The following VAV3 variants were observed in gnomAD, a reference collection of about 807,000 sequenced individuals.
VAV3 encodes the protein vav guanine nucleotide exchange factor 3.
VAV3 carries 94 observed loss-of-function variants against 131.2 expected under a neutral mutation model. The ratio of observed to expected loss-of-function variants is 0.72; its 90% CI spans 0.61 to 0.85. The LOEUF is 0.85. VAV3 is among the 40% of genes least tolerant of loss of function. VAV3 has a pLI of 0.00. For synonymous variants in VAV3, 349 were observed against 342.0 expected (o/e 1.02, Z -0.22); for missense variants, 939 against 1,002.7 (o/e 0.94, Z 0.86).
At chr1:107,915,682 G>A (rs1672581266) in intron 1 of VAV3, among the ~76,000 whole-genome samples, 1 of 152,124 alleles carries the variant, frequency 6.6e-6, no homozygotes, top group South Asian at 2.1e-4. Flanking sequence ...TGTGGACAGG[G>A]GCTGTGTTTT....
intron 15 of VAV3, among the ~76,000 whole-genome samples, chr1:107,736,531 T>A (rs7549704): frequency 6.6e-6 from 1 of 152,066 alleles, no homozygotes; most frequent in African/African-American, 2.4e-5. Flanking sequence ...AAAATCAATG[T>A]GCAAAAATCA....
At chr1:107,893,834 T>A (rs957886095) in intron 1 of VAV3, among the ~76,000 whole-genome samples, 1 of 152,236 alleles carries the variant, frequency 6.6e-6, no homozygotes, top group Admixed American at 6.5e-5. Flanking sequence ...TTGTTCTTCT[T>A]CACCATATCT....
At chr1:107,588,094 T>C (rs1269728943) in intron 25 of VAV3, among the ~76,000 whole-genome samples, 1 of 152,222 alleles carries the variant, frequency 6.6e-6, no homozygotes, top group Non-Finnish European at 1.5e-5. Context: ...TGGATACTGG[T>C]TGCTAACTTT....
chr1:107,639,398 T>C (rs1403855014), intron 20 of VAV3, among the ~76,000 whole-genome samples: 1 of 151,762 alleles, frequency 6.6e-6, no homozygotes, highest in Non-Finnish European at 1.5e-5. Context: ...AAGCCACAGA[T>C]TAGGAGAAGC....
chr1:107,732,387 GC>G (rs201089551), intron 15 of VAV3, among the ~76,000 whole-genome samples: 1,573 of 152,304 alleles, frequency 0.01, 23 homozygotes, highest in South Asian at 0.044. Flanking sequence ...GCCACAGAGG[GC>G]GAGCCAAAGC....
chr1:107,827,535 G>A (rs1190813187), intron 2 of VAV3, among the ~76,000 whole-genome samples: 1 of 152,182 alleles, frequency 6.6e-6, no homozygotes, highest in Non-Finnish European at 1.5e-5. Context: ...AAAACTCTAG[G>A]AAGTAGATTA....
At chr1:107,934,855 T>A (rs577463784) in intron 1 of VAV3, among the ~76,000 whole-genome samples, 1 of 152,346 alleles carries the variant, frequency 6.6e-6, no homozygotes, top group Non-Finnish European at 1.5e-5. Flanking sequence ...AAACAAAATA[T>A]AGCGGCACAG....
At chr1:107,666,593 C>T (rs536534016) in intron 19 of VAV3, among the ~76,000 whole-genome samples, 5 of 141,832 alleles carry the variant, frequency 3.5e-5, no homozygotes, top group East Asian at 2.0e-4. Context: ...TTTTTTGAGA[C>T]GGAGTCTCAC....
chr1:107,611,331 C>T (rs990024863), intron 21 of VAV3, among the ~76,000 whole-genome samples: 1 of 152,112 alleles, frequency 6.6e-6, no homozygotes, highest in African/African-American at 2.4e-5. Flanking sequence ...CTATGGATTA[C>T]ATTTTTAAAA....
chr1:107,876,490 G>A (rs1670503681), intron 1 of VAV3, among the ~76,000 whole-genome samples: 1 of 152,102 alleles, frequency 6.6e-6, no homozygotes, highest in South Asian at 2.1e-4. Context: ...GGGGAAAGCT[G>A]GTAACAAAGC....
chr1:107,695,174 T>TA (rs1233925385), intron 17 of VAV3, among the ~76,000 whole-genome samples: 1 of 152,024 alleles, frequency 6.6e-6, no homozygotes, highest in African/African-American at 2.4e-5. Context: ...GAGGAAGTGG[T>TA]AAAAAATGAG....
intron 1 of VAV3, among the ~76,000 whole-genome samples, chr1:107,924,058 G>C (rs1003705355): frequency 3.3e-5 from 5 of 151,902 alleles, no homozygotes; most frequent in Non-Finnish European, 7.4e-5. Flanking sequence ...TACTGTTTTG[G>C]ACTTTTCACT....
rs1670291211 is a variant in VAV3 at position 107,872,312 on chromosome 1, A to T, written c.321+2589T>A. Among the ~76,000 whole-genome samples, 5 of 152,236 alleles carry T rather than the reference A, an allele frequency of 3.3e-5. No homozygotes were observed. In the South Asian group the frequency reaches 8.3e-4, roughly 25 times the overall value. On this transcript the variant is annotated intron_variant, in intron 2 of 26. Coordinates refer to ENST00000370056, the MANE Select transcript of VAV3 (RefSeq NM_006113.5). ...TGAAAACTTCAAAGGCTATAAAAAC[A>T]CTAGGTGCTGCTATCATAATTAATA... is the stretch of plus-strand genomic sequence containing the variant.
Position 107,819,594 on chromosome 1 carries a change from C to T in VAV3, c.322-40102G>A, listed in dbSNP as rs1340455735. 1.3e-5 allele frequency among the ~76,000 whole-genome samples: 2 copies of T among 151,632 alleles called. 1 individual carries two copies. The highest frequency in any genetic ancestry group is 2.9e-5 in the Non-Finnish European group (2 of 67,936). The stretch of plus-strand genomic sequence containing the variant: ...AATCTTGGTGATGAGAACAGGAATG[C>T]CTCAAATTGCACTTTTTCAAAAAAG... On this transcript the variant is annotated intron_variant, in intron 2 of 26. Coordinates refer to ENST00000370056, the MANE Select transcript of VAV3 (RefSeq NM_006113.5).
chr1:107,774,719 A>T (rs781341030), intron 4 of VAV3, among the ~76,000 whole-genome samples: 2 of 152,100 alleles, frequency 1.3e-5, no homozygotes, highest in Non-Finnish European at 2.9e-5. Context: ...TTTCTCCCCA[A>T]CTTAGGAAAC....
At chr1:107,945,611 G>A (rs1355026119) in intron 1 of VAV3, among the ~76,000 whole-genome samples, 1 of 151,966 alleles carries the variant, frequency 6.6e-6, no homozygotes. Flanking sequence ...ACTATCTGAG[G>A]TCAAGCTCGA....
chr1:107,893,477 A>G (rs1243285413), intron 1 of VAV3, among the ~76,000 whole-genome samples: 3 of 152,082 alleles, frequency 2.0e-5, no homozygotes, highest in Non-Finnish European at 4.4e-5. Context: ...CAGGAAGAAG[A>G]GTTTAATGGA....
intron 21 of VAV3, among the ~76,000 whole-genome samples, chr1:107,615,126 T>C (rs1340127012): frequency 1.3e-5 from 2 of 152,074 alleles, no homozygotes; most frequent in East Asian, 3.9e-4. Context: ...TGTAACATTA[T>C]AGACCAATGA....
chr1:107,646,249 C>G (rs1024317209), intron 19 of VAV3, among the ~76,000 whole-genome samples: 3 of 152,042 alleles, frequency 2.0e-5, no homozygotes, highest in Admixed American at 2.0e-4. Flanking sequence ...ACAAGAAATA[C>G]ACATTTCATT....
Sources: gnomAD v4.1 joint callset for allele counts (sites outside exome capture counted in the v4.1 genomes callset) on GRCh38, gnomAD v4.1.1 for gene constraint, MANE v1.5 for transcripts, NCBI Gene and HGNC (gene_info 2026-07-23, HGNC 2026-07-21) for gene names.